MKLN1: variants seen among roughly 807,000 people sequenced by gnomAD.
MKLN1 encodes the protein muskelin 1.
MKLN1 carries 18 observed loss-of-function variants against 99.0 expected under a neutral mutation model. That is an observed-to-expected ratio of 0.18 (90% CI 0.13 to 0.27). The LOEUF (loss-of-function observed/expected upper bound fraction) is 0.27, where lower values mean the gene tolerates loss of function less well. Ranked by LOEUF, MKLN1 falls within the 10% of genes least tolerant of loss-of-function variation. The pLI is 1.00. For synonymous variants in MKLN1, 288 were observed against 293.2 expected, an observed-to-expected ratio of 0.98 and a Z score of 0.18; for missense variants, 621 against 875.9, an observed-to-expected ratio of 0.71 and a Z score of 3.67.
At chr7:131,286,351 T>C (rs1798132452) in intron 3 of MKLN1, among the ~76,000 whole-genome samples, 1 of 152,220 alleles carries the variant, frequency 6.6e-6, no homozygotes, top group Non-Finnish European at 1.5e-5. Flanking sequence ...TTTTCTTAAT[T>C]ATCCCCTGCC....
intron 9 of MKLN1, among the ~76,000 whole-genome samples, chr7:131,431,578 G>C (rs1313447633): frequency 6.6e-6 from 1 of 152,110 alleles, no homozygotes; most frequent in Non-Finnish European, 1.5e-5. Context: ...GCTGCAAAGG[G>C]GATGAAGTAG....
chr7:131,156,213 G>A (rs1461002610), intron 2 of MKLN1, among the ~76,000 whole-genome samples: 1 of 151,788 alleles, frequency 6.6e-6, no homozygotes, highest in Non-Finnish European at 1.5e-5. Context: ...ATGATTTTTT[G>A]ACTTTACAAT....
chr7:131,425,206 T>C (rs190742126), intron 8 of MKLN1, among the ~76,000 whole-genome samples: 3 of 152,318 alleles, frequency 2.0e-5, no homozygotes, highest in Admixed American at 2.0e-4. Context: ...TCTGCCTGAC[T>C]AGAGTACATG....
intron 12 of MKLN1, among the ~76,000 whole-genome samples, chr7:131,459,748 A>G (rs1470767549): frequency 3.3e-5 from 5 of 152,246 alleles, no homozygotes; most frequent in Middle Eastern, 3.4e-3. Context: ...TTTAAAAAAA[A>G]AACAACATAG....
chr7:131,193,433 T>C (rs1465668881), intron 2 of MKLN1, among the ~76,000 whole-genome samples: 1 of 152,154 alleles, frequency 6.6e-6, no homozygotes, highest in Non-Finnish European at 1.5e-5. Context: ...TGGTGCGATC[T>C]CAGCTCACTG....
At position 131,411,906 on chromosome 7, in the gene MKLN1, C is replaced by CAAAAAAAAAAAAAAAAAAAAAAAAA. The variant is rs34182914; in HGVS notation, c.781+530_781+554dup. On this transcript the variant is annotated intron_variant, in intron 7 of 17. Coordinates refer to ENST00000352689, the MANE Select transcript of MKLN1 (RefSeq NM_013255.5). Reference sequence around the variant, plus strand: ...TGGGAGACAGATGGAGATTCCATCTCAAAAAAAAAAAAAAAAAAAAAAAAA... The same window carrying CAAAAAAAAAAAAAAAAAAAAAAAAA: ...TGGGAGACAGATGGAGATTCCATCTCAAAAAAAAAAAAAAAAAAAAAAAAAAAAAAAAAAAAAAAAAAAAAAAAAA... Among the ~76,000 whole-genome samples, 12 of 53,102 alleles carry CAAAAAAAAAAAAAAAAAAAAAAAAA rather than the reference C, an allele frequency of 2.3e-4. 2 individuals carry two copies. The highest frequency in any genetic ancestry group is 1.7e-3 in the East Asian group (2 of 1,182). 34.8% of individuals were successfully genotyped at this position (53,102 alleles called of 152,430 possible). A position where few individuals can be genotyped will look rare whatever the true frequency, so the allele number is the denominator to read the frequency against.
At chr7:131,456,585 A>G (rs887965369) in intron 12 of MKLN1, among the ~76,000 whole-genome samples, 2 of 152,194 alleles carry the variant, frequency 1.3e-5, no homozygotes, top group Non-Finnish European at 2.9e-5. Flanking sequence ...TTCAGAGTTG[A>G]TGAAAACATG....
chr7:131,343,701 T>G (rs1180641819), intron 1 of MKLN1, among the ~76,000 whole-genome samples: 1 of 152,212 alleles, frequency 6.6e-6, no homozygotes, highest in Admixed American at 6.5e-5. Flanking sequence ...TAGAACTCTT[T>G]GAATTTTATT....
rs146161503 is a variant in MKLN1, at chr7:131,148,344, C to T, written c.-297+5403C>T. The stretch of plus-strand genomic sequence containing the variant: ...AAATTTTTCTAAAAAGAAGACAAGA[C>T]ATAAAACATTAAGAATGAAACAAGT... On this transcript the variant is annotated intron_variant, in intron 2 of 7. Coordinates refer to the MKLN1 transcript ENST00000416992. 3.8e-3 allele frequency among the ~76,000 whole-genome samples: 574 copies of T among 152,202 alleles called. 3 individuals are homozygous for T. Among genetic ancestry groups the T allele is most frequent in the Middle Eastern group, 0.01 (3 of 294 alleles).
chr7:131,480,358 C>T (rs1046188014), intron 17 of MKLN1, among the ~76,000 whole-genome samples: 1 of 152,128 alleles, frequency 6.6e-6, no homozygotes, highest in African/African-American at 2.4e-5. Context: ...CATTATTTGA[C>T]CTTTTATCTC....
At chr7:131,298,993 C>A (rs1798336480) in intron 3 of MKLN1, among the ~76,000 whole-genome samples, 1 of 152,086 alleles carries the variant, frequency 6.6e-6, no homozygotes, top group African/African-American at 2.4e-5. Context: ...GCTTGGGCAA[C>A]AACAGCGAGA....
chr7:131,440,858 T>C (rs1302674001), intron 10 of MKLN1, among the ~76,000 whole-genome samples: 2 of 152,056 alleles, frequency 1.3e-5, no homozygotes, highest in African/African-American at 4.8e-5. Context: ...TCAGAAAAAG[T>C]TGACCCAAAT....
At chr7:131,262,471 C>G (rs548274243) in intron 3 of MKLN1, among the ~76,000 whole-genome samples, 1 of 152,186 alleles carries the variant, frequency 6.6e-6, no homozygotes, top group East Asian at 1.9e-4. Flanking sequence ...CCCACTACCC[C>G]CTCCTCCAAA....
At chr7:131,328,070 A>G (rs1798943857) in intron 1 of MKLN1, 73 bp downstream of exon 1, 5 of 1,519,852 alleles carry the variant, frequency 3.3e-6, no homozygotes, top group Non-Finnish European at 1.8e-6. Flanking sequence ...GGTGCAATGG[A>G]GGGCAGCCGA....
intron 8 of MKLN1, among the ~76,000 whole-genome samples, chr7:131,428,374 C>T (rs1377236854): frequency 6.6e-6 from 1 of 151,986 alleles, no homozygotes; most frequent in Non-Finnish European, 1.5e-5. Flanking sequence ...TTAAATGTAC[C>T]ACAATATATC....
intron 1 of MKLN1, among the ~76,000 whole-genome samples, chr7:131,117,249 G>A (rs1247139032): frequency 6.6e-6 from 1 of 151,962 alleles, no homozygotes; most frequent in East Asian, 1.9e-4. Flanking sequence ...GGCCAACATG[G>A]TGAAACCTCG....
rs181112628 is a variant in MKLN1, at chr7:131,246,059, G to A, written c.-179+43085G>A. Among the ~76,000 whole-genome samples, 58 of 152,342 alleles carry A rather than the reference G, an allele frequency of 3.8e-4. 1 individual carries two copies. Among genetic ancestry groups the A allele is most frequent in the African/African-American group, 1.2e-3 (49 of 41,574 alleles). ...GGCAGATCTTGTTCTGGACACCTGG[G>A]GAGGGGGCCCAAGGTCCTGCATTTC... On this transcript the variant is annotated intron_variant, in intron 3 of 7. Coordinates refer to the MKLN1 transcript ENST00000416992.
intron 1 of MKLN1, among the ~76,000 whole-genome samples, chr7:131,336,162 T>C (rs1259652899): frequency 6.6e-6 from 1 of 152,122 alleles, no homozygotes; most frequent in East Asian, 1.9e-4. Flanking sequence ...TACAAACTTA[T>C]CTTTCTAGTA....
chr7:131,248,057 C>T (rs1219949194), intron 3 of MKLN1, among the ~76,000 whole-genome samples: 1 of 136,980 alleles, frequency 7.3e-6, no homozygotes, highest in Non-Finnish European at 1.5e-5. Context: ...TGCCACCACA[C>T]TCAGCTAATT....
Sources: allele counts gnomAD v4.1 joint callset (sites outside exome capture counted in the v4.1 genomes callset), GRCh38; gene constraint gnomAD v4.1.1; transcripts MANE v1.5; gene names NCBI Gene and HGNC (gene_info 2026-07-23, HGNC 2026-07-21).